The following CCSER2 variants were observed in gnomAD, a reference collection of about 807,000 sequenced individuals.
CCSER2 encodes the protein serine-rich coiled-coil domain-containing protein 2.
In CCSER2, 46 loss-of-function variants were observed where a neutral mutation model predicts 92.3. That is an observed-to-expected ratio of 0.50 (90% CI 0.39 to 0.64). The LOEUF (loss-of-function observed/expected upper bound fraction) is 0.64. Among genes scored for constraint, CCSER2 ranks in the 30% least tolerant of loss-of-function variants. CCSER2 has a pLI of 0.00. For synonymous variants in CCSER2, 433 were observed against 431.4 expected, an observed-to-expected ratio of 1.00 and a Z score of -0.04; for missense variants, 1,244 against 1,238.9, an observed-to-expected ratio of 1.00 and a Z score of -0.06.
At chr10:84,469,719 A>G (rs545726306) in intron 7 of CCSER2, among the ~76,000 whole-genome samples, 1 of 152,268 alleles carries the variant, frequency 6.6e-6, no homozygotes, top group African/African-American at 2.4e-5. Flanking sequence ...ATTCCTGCTT[A>G]ACTTGACAGT....
intron 3 of CCSER2, among the ~76,000 whole-genome samples, chr10:84,380,344 T>C (rs928571420): frequency 6.6e-6 from 1 of 152,244 alleles, no homozygotes; most frequent in South Asian, 2.1e-4. Context: ...CTTATTGATA[T>C]GGAAGAGTTT....
chr10:84,401,204 A>G (rs996668142), intron 3 of CCSER2, among the ~76,000 whole-genome samples: 1 of 152,152 alleles, frequency 6.6e-6, no homozygotes. Flanking sequence ...GGAAATAATC[A>G]GGAAAACAGA....
At chr10:84,473,587 C>G (rs534753314) in intron 8 of CCSER2, among the ~76,000 whole-genome samples, 1 of 152,074 alleles carries the variant, frequency 6.6e-6, no homozygotes, top group Admixed American at 6.6e-5. Flanking sequence ...TTATAGAACT[C>G]GAGAAAGTCA....
Position 84,371,060 on chromosome 10 carries a change from A to G in CCSER2, c.8A>G (p.Glu3Gly), listed in dbSNP as rs1157079784. 3.8e-6 allele frequency: 6 copies of G among 1,580,644 alleles called. No homozygotes were observed. Among genetic ancestry groups the G allele is most frequent in the African/African-American group, 1.4e-5 (1 of 73,386 alleles). The change falls in exon 2 of 10, where the codon GAA becomes GGA. Residue 3 changes from glutamate to glycine, a missense_variant. Physicochemically the swap from Glu to Gly is moderately conservative, Grantham distance 98. Coordinates refer to ENST00000372088, the MANE Select transcript of CCSER2 (RefSeq NM_001284240.2). ME[E>G]KTQIKTFLGS... ...AAATGCACCTTATAGCTCATGGAAG[A>G]AAAAACACAAATCAAGACATTTTTG...
At chr10:84,509,064 C>T (rs1385969991) in intron 9 of CCSER2, among the ~76,000 whole-genome samples, 1 of 152,184 alleles carries the variant, frequency 6.6e-6, no homozygotes, top group Non-Finnish European at 1.5e-5. Context: ...TTATGTATAA[C>T]ATGCTTGTGT....
chr10:84,345,422 A>AT (rs1421714395), intron 1 of CCSER2, among the ~76,000 whole-genome samples: 3 of 152,194 alleles, frequency 2.0e-5, no homozygotes, highest in African/African-American at 7.2e-5. Context: ...GTACTGGGAC[A>AT]TTTTGAATGT....
In CCSER2 at chr10:84,499,902, C is replaced by T. The variant is rs192826139; in HGVS notation, c.2326-13547C>T. The T allele has an allele frequency of 2.6e-3, 4,238 of 1,614,096 alleles. 144 individuals are homozygous for T. In the Admixed American group the frequency reaches 0.058, roughly 22 times the overall value. On this transcript the variant is annotated intron_variant, in intron 9 of 9. Transcript: ENST00000372088. ...TGGGTATTCTGCTCCCTCCTTCTCT[C>T]CTTGGCAGGGCTCCTTCCAGGGGAT...
intron 9 of CCSER2, among the ~76,000 whole-genome samples, chr10:84,512,625 G>A (rs1849423729): frequency 6.6e-6 from 1 of 152,164 alleles, no homozygotes; most frequent in Non-Finnish European, 1.5e-5. Context: ...GTACATGTGA[G>A]GCACACAGAC....
intron 7 of CCSER2, among the ~76,000 whole-genome samples, chr10:84,466,465 C>T (rs1450969707): frequency 6.6e-6 from 1 of 151,466 alleles, no homozygotes; most frequent in East Asian, 1.9e-4. Flanking sequence ...CAGTAAATAT[C>T]TTATGCTTCC....
Position 84,517,038 on chromosome 10 carries a change from TCTG to T in CCSER2, c.*2772_*2774del, listed in dbSNP as rs1309916136. 4 of 152,180 alleles carry T rather than the reference TCTG, an allele frequency of 2.6e-5. No individual in the cohort carries two copies. The highest frequency in any genetic ancestry group is 5.9e-5 in the Non-Finnish European group (4 of 68,026). 9.4% of individuals were successfully genotyped at this position (152,180 alleles called of 1,614,324 possible). On this transcript the variant is annotated 3_prime_UTR_variant, in exon 10 of 10. Coordinates refer to ENST00000372088, the MANE Select transcript of CCSER2 (RefSeq NM_001284240.2). Reference sequence around the variant, plus strand: ...AAAGATCATCTTAGATTTGGCTTGATCTGTGTTTATTGCTTCTATTAATGTAAA... The same window carrying T: ...AAAGATCATCTTAGATTTGGCTTGATTGTTTATTGCTTCTATTAATGTAAA...
At chr10:84,407,996 A>G (rs945180279) in intron 3 of CCSER2, among the ~76,000 whole-genome samples, 2 of 152,126 alleles carry the variant, frequency 1.3e-5, no homozygotes, top group Admixed American at 6.6e-5. Flanking sequence ...GATATTTGTC[A>G]TGGTTAGTGA....
At chr10:84,454,030 C>T (rs970695241) in intron 6 of CCSER2, among the ~76,000 whole-genome samples, 4 of 152,082 alleles carry the variant, frequency 2.6e-5, no homozygotes, top group African/African-American at 9.7e-5. Context: ...GATTACCACA[C>T]CTTGGAGGCT....
chr10:84,444,276 C>A (rs1030366645), intron 6 of CCSER2, among the ~76,000 whole-genome samples: 1 of 152,014 alleles, frequency 6.6e-6, no homozygotes, highest in Non-Finnish European at 1.5e-5. Context: ...GCCAAACAAG[C>A]GACTTGGCCA....
At chr10:84,496,876 T>C (rs984009637) in intron 9 of CCSER2, among the ~76,000 whole-genome samples, 2 of 152,176 alleles carry the variant, frequency 1.3e-5, no homozygotes, top group African/African-American at 4.8e-5. Context: ...TTTCAGAATA[T>C]TGTGTTTTAT....
At chr10:84,510,061 T>C (rs552325062) in intron 9 of CCSER2, among the ~76,000 whole-genome samples, 1 of 152,278 alleles carries the variant, frequency 6.6e-6, no homozygotes, top group South Asian at 2.1e-4. Flanking sequence ...AAAATTCATC[T>C]ATATCTCCCA....
rs905399472 is a variant in CCSER2, at chr10:84,393,991, A to G, written c.1614+20176A>G. The G allele has an allele frequency of 3.3e-5, 5 of 152,290 alleles. No individual in the cohort carries two copies. The South Asian group carries it at 8.3e-4, about 25-fold the overall frequency. The allele number at this position is 152,290 out of a possible 1,614,324, so 9.4% of individuals were successfully genotyped here. ...AAATTTGAACGAATAGAAGGGAGCT[A>G]CTCCAACTCCAGTAGTGAATCTTCC... On this transcript the variant is annotated intron_variant, in intron 3 of 9. Coordinates refer to ENST00000372088, the MANE Select transcript of CCSER2 (RefSeq NM_001284240.2).
At chr10:84,426,191 CTG>C (rs1470338396) in intron 5 of CCSER2, among the ~76,000 whole-genome samples, 3 of 152,110 alleles carry the variant, frequency 2.0e-5, no homozygotes, top group Non-Finnish European at 2.9e-5. Context: ...TAAATGTTAA[CTG>C]TGTTAAATTT....
intron 3 of CCSER2, among the ~76,000 whole-genome samples, chr10:84,381,645 G>T (rs550145497): frequency 1.9e-4 from 29 of 152,062 alleles, no homozygotes; most frequent in Non-Finnish European, 3.7e-4. Flanking sequence ...CATCCACGGT[G>T]GGCCGGGCGC....
intron 8 of CCSER2, among the ~76,000 whole-genome samples, chr10:84,474,771 A>G (rs1167186033): frequency 6.6e-6 from 1 of 152,156 alleles, no homozygotes; most frequent in African/African-American, 2.4e-5. Context: ...CCATGGATAC[A>G]TGATGAATAG....
Sources: gnomAD v4.1 joint callset for allele counts (sites outside exome capture counted in the v4.1 genomes callset) on GRCh38, gnomAD v4.1.1 for gene constraint, MANE v1.5 for transcripts, NCBI Gene and HGNC (gene_info 2026-07-23, HGNC 2026-07-21) for gene names.